CTNND2: variants seen among roughly 807,000 people sequenced by gnomAD.
CTNND2 encodes the protein catenin delta-2.
CTNND2 carries 22 observed loss-of-function variants against 144.4 expected under a neutral mutation model. That is an observed-to-expected ratio of 0.15 (90% CI 0.11 to 0.22). The LOEUF (loss-of-function observed/expected upper bound fraction) is 0.22. CTNND2 is among the 10% of genes least tolerant of loss of function. The pLI is 1.00. For synonymous variants in CTNND2, 751 were observed against 695.6 expected (o/e 1.08, Z -1.25); for missense variants, 1,353 against 1,618.8 (o/e 0.84, Z 2.82).
chr5:11,001,525 G>A (rs1158282529), intron 18 of CTNND2, among the ~76,000 whole-genome samples: 1 of 148,616 alleles, frequency 6.7e-6, no homozygotes, highest in Non-Finnish European at 1.5e-5. Flanking sequence ...GATTTAAGAT[G>A]ACAGTATTAA....
intron 2 of CTNND2, among the ~76,000 whole-genome samples, chr5:11,607,116 G>A (rs758821174): frequency 1.3e-5 from 2 of 152,186 alleles, no homozygotes; most frequent in Non-Finnish European, 2.9e-5. Flanking sequence ...AAGACTTCCA[G>A]CAAACCAGCA....
intron 7 of CTNND2, among the ~76,000 whole-genome samples, chr5:11,368,864 T>C (rs1375270062): frequency 6.6e-6 from 1 of 152,174 alleles, no homozygotes; most frequent in African/African-American, 2.4e-5. Flanking sequence ...TAAATGGTAT[T>C]GTTGGAGGGT....
At chr5:11,494,451 C>G (rs75457599) in intron 3 of CTNND2, among the ~76,000 whole-genome samples, 1 of 151,828 alleles carries the variant, frequency 6.6e-6, no homozygotes, top group Non-Finnish European at 1.5e-5. Flanking sequence ...AAGTACCAAA[C>G]GTGTGTGAGT....
intron 6 of CTNND2, among the ~76,000 whole-genome samples, chr5:11,391,844 G>A (rs912808665): frequency 6.6e-6 from 1 of 152,184 alleles, no homozygotes; most frequent in African/African-American, 2.4e-5. Context: ...GGGTTTACCT[G>A]GTGGTGATGT....
intron 3 of CTNND2, among the ~76,000 whole-genome samples, chr5:11,563,835 ATAAAG>A (rs1182753094): frequency 1.3e-5 from 2 of 152,192 alleles, no homozygotes; most frequent in Non-Finnish European, 2.9e-5. Flanking sequence ...TCTTACAAAT[ATAAAG>A]TATTTTGGAA....
intron 9 of CTNND2, among the ~76,000 whole-genome samples, chr5:11,312,456 A>C (rs971424963): frequency 6.6e-6 from 1 of 152,050 alleles, no homozygotes; most frequent in African/African-American, 2.4e-5. Context: ...GAAAATGAAG[A>C]AGCAAAAGCA....
At chr5:11,607,116 G>T (rs758821174) in intron 2 of CTNND2, among the ~76,000 whole-genome samples, 1 of 152,186 alleles carries the variant, frequency 6.6e-6, no homozygotes, top group Non-Finnish European at 1.5e-5. Context: ...AAGACTTCCA[G>T]CAAACCAGCA....
At chr5:11,244,363 C>A (rs1201277615) in intron 9 of CTNND2, among the ~76,000 whole-genome samples, 1 of 146,420 alleles carries the variant, frequency 6.8e-6, no homozygotes, top group African/African-American at 2.6e-5. Context: ...CGGCTCACTG[C>A]AACCTCCACC....
chr5:11,747,242 G>A (rs1788364380), intron 1 of CTNND2, among the ~76,000 whole-genome samples: 1 of 152,114 alleles, frequency 6.6e-6, no homozygotes, highest in Non-Finnish European at 1.5e-5. Context: ...GAAAAATAAA[G>A]TCTGGGATTC....
In CTNND2 at chr5:11,725,260, G is replaced by C. The variant is rs138488851; in HGVS notation, c.174+6876C>G. On this transcript the variant is annotated intron_variant, in intron 2 of 21. Coordinates refer to ENST00000304623, the MANE Select transcript of CTNND2 (RefSeq NM_001332.4). Reference sequence around the variant, plus strand: ...CAACAGAAATTTTCAACTAAAGTAAGAATGTGTCTAACCCACAGTATTCCC... The same window carrying C: ...CAACAGAAATTTTCAACTAAAGTAACAATGTGTCTAACCCACAGTATTCCC... Among the ~76,000 whole-genome samples, 12 of 152,266 alleles carry C rather than the reference G, an allele frequency of 7.9e-5. No homozygotes were observed. In the East Asian group the frequency reaches 1.9e-3, roughly 24 times the overall value.
At position 11,868,033 on chromosome 5, in the gene CTNND2, G is replaced by C. The variant is rs1279359487; in HGVS notation, c.37+35784C>G. On this transcript the variant is annotated intron_variant, in intron 1 of 21. Transcript: ENST00000304623. Reference sequence around the variant, plus strand: ...AACCCCTGATGGCGAAGCAGGGGCAGGATAGACAGAGTCCCCAGGTGGAGT... The same window carrying C: ...AACCCCTGATGGCGAAGCAGGGGCACGATAGACAGAGTCCCCAGGTGGAGT... 3.3e-5 allele frequency among the ~76,000 whole-genome samples: 5 copies of C among 151,956 alleles called. No homozygotes were observed. The East Asian group carries it at 9.7e-4, about 29-fold the overall frequency.
At chr5:11,488,210 AT>A (rs762095088) in intron 3 of CTNND2, among the ~76,000 whole-genome samples, 6 of 152,292 alleles carry the variant, frequency 3.9e-5, no homozygotes, top group South Asian at 2.1e-4. Context: ...CTGCCTTTAA[AT>A]TTTTTTATAA....
intron 2 of CTNND2, among the ~76,000 whole-genome samples, chr5:11,729,020 G>C (rs1306116106): frequency 6.6e-6 from 1 of 151,994 alleles, no homozygotes; most frequent in African/African-American, 2.4e-5. Context: ...TTTGCATCAG[G>C]ACATCCCCAA....
intron 1 of CTNND2, among the ~76,000 whole-genome samples, chr5:11,866,819 G>A (rs942968939): frequency 4.6e-5 from 7 of 152,106 alleles, no homozygotes; most frequent in Non-Finnish European, 8.8e-5. Context: ...GGAATTCTTC[G>A]CGTGATCAAT....
chr5:11,028,532 A>T (rs1376532007), intron 16 of CTNND2, among the ~76,000 whole-genome samples: 4 of 152,008 alleles, frequency 2.6e-5, no homozygotes, highest in African/African-American at 4.8e-5. Context: ...CAACTCCCCA[A>T]CCCTTCCCTT....
intron 2 of CTNND2, among the ~76,000 whole-genome samples, chr5:11,597,631 TG>T (rs1779580396): frequency 6.6e-6 from 1 of 152,078 alleles, no homozygotes; most frequent in Non-Finnish European, 1.5e-5. Context: ...TTGTGTGCAG[TG>T]GTGTGATCAC....
At chr5:11,698,897 T>C (rs1785264181) in intron 2 of CTNND2, among the ~76,000 whole-genome samples, 1 of 151,184 alleles carries the variant, frequency 6.6e-6, no homozygotes, top group Non-Finnish European at 1.5e-5. Flanking sequence ...ATTGTAAATA[T>C]ATATTATAAT....
rs554271639 is a variant in CTNND2 at position 11,903,158 on chromosome 5, A to G, written c.37+659T>C. On this transcript the variant is annotated intron_variant, in intron 1 of 21. Coordinates refer to ENST00000304623, the MANE Select transcript of CTNND2 (RefSeq NM_001332.4). The surrounding 1 kb of genome is among the most constrained non-coding windows in gnomAD (Gnocchi z 5.4). ...CATCGCTCATCTCCCATACACACGC[A>G]CAGCCTTCCAAACCTGGCTTTCAGG... 6.1e-6 allele frequency: 6 copies of G among 984,082 alleles called. No individual in the cohort carries two copies. In the East Asian group the frequency reaches 6.8e-4, roughly 112 times the overall value. The allele number at this position is 984,082 out of a possible 1,614,324, so 61.0% of individuals were successfully genotyped here.
At chr5:11,366,071 T>G (rs763742235) in intron 7 of CTNND2, among the ~76,000 whole-genome samples, 3 of 152,216 alleles carry the variant, frequency 2.0e-5, no homozygotes, top group Non-Finnish European at 2.9e-5. Flanking sequence ...GGTGCTGGGA[T>G]TCCTTGATCT....
Sources: allele counts gnomAD v4.1 joint callset (sites outside exome capture counted in the v4.1 genomes callset), GRCh38; gene constraint gnomAD v4.1.1; non-coding constraint Gnocchi (gnomAD v3.1); transcripts MANE v1.5; gene names NCBI Gene and HGNC (gene_info 2026-07-23, HGNC 2026-07-21).